CNTN3: variants seen among roughly 807,000 people sequenced by gnomAD.
CNTN3 encodes the protein contactin 3.
In CNTN3, 60 loss-of-function variants were observed where a neutral mutation model predicts 119.1. That is an observed-to-expected ratio of 0.50 (90% CI 0.41 to 0.62). The LOEUF is 0.62. Ranked by LOEUF, CNTN3 falls within the 20% of genes least tolerant of loss-of-function variation. The pLI, the probability that CNTN3 is intolerant of heterozygous loss-of-function variation, is 0.00. For synonymous variants in CNTN3, 450 were observed against 438.7 expected (o/e 1.03, Z -0.32); for missense variants, 1,101 against 1,242.4 (o/e 0.89, Z 1.71).
intron 13 of CNTN3, among the ~76,000 whole-genome samples, chr3:74,332,367 T>C (rs1703285865): frequency 6.6e-6 from 1 of 152,224 alleles, no homozygotes; most frequent in Non-Finnish European, 1.5e-5. Flanking sequence ...AAGTTACTAA[T>C]GGCACAAAAA....
chr3:74,396,035 A>G (rs1021326704), intron 5 of CNTN3, among the ~76,000 whole-genome samples: 9 of 152,006 alleles, frequency 5.9e-5, no homozygotes, highest in African/African-American at 2.2e-4. Context: ...TGTTCTGATT[A>G]CTCTACTAAC....
chr3:74,418,624 A>G (rs1387205299), intron 5 of CNTN3, among the ~76,000 whole-genome samples: 1 of 151,994 alleles, frequency 6.6e-6, no homozygotes, highest in Non-Finnish European at 1.5e-5. Flanking sequence ...TACAGGCATG[A>G]GCCACCGTGC....
At chr3:74,482,978 A>T (rs1242589490) in intron 4 of CNTN3, among the ~76,000 whole-genome samples, 2 of 152,132 alleles carry the variant, frequency 1.3e-5, no homozygotes, top group Non-Finnish European at 2.9e-5. Context: ...TTTTATCAGA[A>T]ATCTATGTCC....
At chr3:74,567,063 C>T (rs7625297) in intron 1 of CNTN3, among the ~76,000 whole-genome samples, 151,332 of 152,272 alleles carry the variant, frequency 0.99, 75,205 homozygotes, top group Middle Eastern at 1. Flanking sequence ...GTAGCAGATA[C>T]GACAGCACAA....
rs572870599 is a variant in CNTN3, at chr3:74,553,689, T to C, written c.-80-32497A>G. Reference sequence around the variant, plus strand: ...ATTTGCATTTCTCCATTTTTTCATATGTCTCTTAGCTGCATAAATGTCTTC... The same window carrying C: ...ATTTGCATTTCTCCATTTTTTCATACGTCTCTTAGCTGCATAAATGTCTTC... On this transcript the variant is annotated intron_variant, in intron 1 of 22. Transcript: ENST00000263665. Among the ~76,000 whole-genome samples, 9 of 152,090 alleles carry C rather than the reference T, an allele frequency of 5.9e-5. No homozygotes were observed. In the South Asian group the frequency reaches 6.2e-4, roughly 11 times the overall value.
chr3:74,448,310 G>C (rs1222884255), intron 4 of CNTN3, among the ~76,000 whole-genome samples: 2 of 152,216 alleles, frequency 1.3e-5, no homozygotes, highest in East Asian at 1.9e-4. Context: ...AGAACTACTG[G>C]ACACTAGGGG....
intron 13 of CNTN3, among the ~76,000 whole-genome samples, chr3:74,322,193 T>C (rs1316930920): frequency 1.3e-5 from 2 of 148,222 alleles, no homozygotes; most frequent in Non-Finnish European, 3.0e-5. Flanking sequence ...AAAAAAGATG[T>C]TAACAGAATG....
intron 4 of CNTN3, among the ~76,000 whole-genome samples, chr3:74,453,894 AT>A (rs1702210839): frequency 6.6e-6 from 1 of 151,580 alleles, no homozygotes; most frequent in African/African-American, 2.4e-5. Flanking sequence ...TTTAATTTCT[AT>A]TCTTTTACAT....
chr3:74,392,551 T>C (rs749712521), intron 5 of CNTN3, among the ~76,000 whole-genome samples: 5 of 152,182 alleles, frequency 3.3e-5, no homozygotes, highest in Non-Finnish European at 7.3e-5. Context: ...GTCGAGAGAA[T>C]ATTGTACAGC....
intron 20 of CNTN3, among the ~76,000 whole-genome samples, chr3:74,270,593 A>C (rs1701753983): frequency 6.6e-6 from 1 of 152,220 alleles, no homozygotes; most frequent in Admixed American, 6.5e-5. Context: ...ATAGCTCTGA[A>C]GCAACACAAT....
At chr3:74,277,695 G>C (rs1489604707) in intron 20 of CNTN3, among the ~76,000 whole-genome samples, 1 of 151,958 alleles carries the variant, frequency 6.6e-6, no homozygotes, top group Non-Finnish European at 1.5e-5. Flanking sequence ...TATTCCCTCT[G>C]AGAACTGGAA....
At chr3:74,278,556 T>C (rs982621505) in intron 20 of CNTN3, among the ~76,000 whole-genome samples, 8 of 152,132 alleles carry the variant, frequency 5.3e-5, no homozygotes, top group African/African-American at 1.9e-4. Flanking sequence ...GCTAGCCACA[T>C]GTAGGAGAAT....
intron 20 of CNTN3, among the ~76,000 whole-genome samples, chr3:74,281,289 G>A (rs574763715): frequency 6.6e-6 from 1 of 152,242 alleles, no homozygotes; most frequent in Admixed American, 6.5e-5. Context: ...AGCTTGCCTT[G>A]ATGTGTCAGC....
At position 74,496,703 on chromosome 3, in the gene CNTN3, G is replaced by A. The variant is rs114695912; in HGVS notation, c.182+2956C>T. Among the ~76,000 whole-genome samples the A allele has an allele frequency of 3.8e-3, 584 of 152,084 alleles. 5 individuals are homozygous for A. The highest frequency in any genetic ancestry group is 0.013 in the African/African-American group (551 of 41,496). ...AGAAAAAGTATTAATACTTCCTCAG[G>A]GTAACCTCCTTCAGCACTATCAGCA... On this transcript the variant is annotated intron_variant, in intron 3 of 22. Coordinates refer to ENST00000263665, the MANE Select transcript of CNTN3 (RefSeq NM_020872.3).
intron 5 of CNTN3, among the ~76,000 whole-genome samples, chr3:74,390,416 T>C (rs1704869430): frequency 4.7e-5 from 7 of 149,280 alleles, no homozygotes; most frequent in Admixed American, 4.0e-4. Flanking sequence ...GACAGAATAA[T>C]TGGCTCTGCT....
intron 1 of CNTN3, among the ~76,000 whole-genome samples, chr3:74,540,951 TTGC>T (rs1394347884): frequency 6.6e-6 from 1 of 152,164 alleles, no homozygotes; most frequent in African/African-American, 2.4e-5. Flanking sequence ...TTTAAATTTA[TTGC>T]TTTAATTTAG....
At chr3:74,353,625 AG>A (rs1344609062) in intron 11 of CNTN3, among the ~76,000 whole-genome samples, 1 of 151,658 alleles carries the variant, frequency 6.6e-6, no homozygotes, top group African/African-American at 2.4e-5. Context: ...GCGTGGTGGC[AG>A]GCGCCTGTAG....
chr3:74,488,713 C>A (rs1702905945), intron 3 of CNTN3, among the ~76,000 whole-genome samples: 1 of 152,074 alleles, frequency 6.6e-6, no homozygotes. Flanking sequence ...CACATATGAC[C>A]TCCTCAGGTC....
intron 19 of CNTN3, among the ~76,000 whole-genome samples, chr3:74,288,563 T>C (rs1702163992): frequency 6.6e-6 from 1 of 152,216 alleles, no homozygotes; most frequent in African/African-American, 2.4e-5. Context: ...TTTGGCATTC[T>C]ATTATGGCAC....
Sources: gnomAD v4.1 joint callset for allele counts (sites outside exome capture counted in the v4.1 genomes callset) on GRCh38, gnomAD v4.1.1 for gene constraint, MANE v1.5 for transcripts, NCBI Gene and HGNC (gene_info 2026-07-23, HGNC 2026-07-21) for gene names.